The following RUNX1 variants were observed in gnomAD, a reference collection of about 807,000 sequenced individuals.
RUNX1 encodes the protein runt-related transcription factor 1.
A neutral mutation model predicts 42.8 loss-of-function variants in RUNX1; 19 were observed. The ratio of observed to expected loss-of-function variants is 0.44; its 90% CI spans 0.31 to 0.65. RUNX1 has a LOEUF of 0.65. Ranked by LOEUF, RUNX1 falls within the 30% of genes least tolerant of loss-of-function variation. The pLI is 0.07. For synonymous variants in RUNX1, 271 were observed against 289.4 expected (o/e 0.94, Z 0.64); for missense variants, 528 against 672.0 (o/e 0.79, Z 2.37).
At chr21:34,862,673 T>C (rs2057594338) in intron 5 of RUNX1, among the ~76,000 whole-genome samples, 1 of 151,834 alleles carries the variant, frequency 6.6e-6, no homozygotes, top group Non-Finnish European at 1.5e-5. Flanking sequence ...CCCCTCCCTC[T>C]TCTTAGAAGG....
rs80240857 is a variant in RUNX1 at position 34,840,771 on chromosome 21, G to C, written c.614-6170C>G. On this transcript the variant is annotated intron_variant, in intron 6 of 8. Transcript: ENST00000675419. ...AGCAGCTTTGCACGAGGTGTCCTAA[G>C]AATTCACTCTCCCTCTGCCTCCAGC... Among the ~76,000 whole-genome samples the C allele has an allele frequency of 2.7e-3, 406 of 152,236 alleles. 3 individuals carry two copies. The highest frequency in any genetic ancestry group is 0.017 in the Middle Eastern group (5 of 294).
chr21:34,846,194 CTTTTTT>C lies in RUNX1; in HGVS notation c.614-11599_614-11594del, dbSNP rs5843687. On this transcript the variant is annotated intron_variant, in intron 6 of 8. Transcript: ENST00000675419. ...GAGTACTTTGTGGGTTTAAGGATGT[CTTTTTT>C]TTTTTTTTTTTTTTTCAAATGTTGC... is the stretch of plus-strand genomic sequence containing the variant. 2.7e-3 allele frequency among the ~76,000 whole-genome samples: 274 copies of C among 102,264 alleles called. 2 individuals are homozygous for C. Among genetic ancestry groups the C allele is most frequent in the African/African-American group, 9.0e-3 (256 of 28,444 alleles). 67.1% of individuals were successfully genotyped at this position (102,264 alleles called of 152,430 possible).
intron 2 of RUNX1, among the ~76,000 whole-genome samples, chr21:34,971,764 A>G (rs969387200): frequency 2.0e-5 from 3 of 152,224 alleles, no homozygotes; most frequent in Non-Finnish European, 4.4e-5. Context: ...GAGGGGACAG[A>G]AAGGCTTCTT....
chr21:34,898,063 A>G (rs2146474793), intron 2 of RUNX1, among the ~76,000 whole-genome samples: 1 of 152,216 alleles, frequency 6.6e-6, no homozygotes. Flanking sequence ...AGAACTAGAG[A>G]GCAGTCTCTA....
intron 4 of RUNX1, among the ~76,000 whole-genome samples, chr21:34,884,197 A>G (rs2057947056): frequency 6.6e-6 from 1 of 152,202 alleles, no homozygotes; most frequent in Non-Finnish European, 1.5e-5. Context: ...TGTAAAAAAT[A>G]AAGGTGTTCC....
intron 7 of RUNX1, chr21:34,832,962 T>C (rs1489502521): frequency 6.6e-6 from 1 of 152,196 alleles, no homozygotes; most frequent in Admixed American, 6.5e-5. Context: ...GCATAGTATC[T>C]TCTGGAAAGA....
chr21:34,831,220 A>T (rs1453443868), intron 7 of RUNX1, among the ~76,000 whole-genome samples: 1 of 152,192 alleles, frequency 6.6e-6, no homozygotes, highest in Non-Finnish European at 1.5e-5. Flanking sequence ...ATGGCTTTCT[A>T]TTCTATTTCA....
intron 5 of RUNX1, among the ~76,000 whole-genome samples, chr21:34,870,249 A>C (rs908749627): frequency 6.6e-6 from 1 of 152,216 alleles, no homozygotes; most frequent in Non-Finnish European, 1.5e-5. Flanking sequence ...TGTCTGCCCC[A>C]TGGTGTTGGT....
chr21:34,872,003 C>T (rs1158317359), intron 5 of RUNX1, among the ~76,000 whole-genome samples: 1 of 152,108 alleles, frequency 6.6e-6, no homozygotes, highest in African/African-American at 2.4e-5. Context: ...GCCACCACTC[C>T]TGGCTAATTT....
chr21:35,040,159 C>T (rs1423559183), intron 2 of RUNX1, among the ~76,000 whole-genome samples: 3 of 152,230 alleles, frequency 2.0e-5, no homozygotes, highest in Middle Eastern at 3.4e-3. Context: ...TGACTGTTAC[C>T]GAGCTGGATG....
chr21:34,818,625 A>C (rs1355697624), intron 7 of RUNX1, among the ~76,000 whole-genome samples: 4 of 152,216 alleles, frequency 2.6e-5, no homozygotes, highest in African/African-American at 9.6e-5. Flanking sequence ...GTGAGCCGAA[A>C]ACATGCACCA....
At chr21:34,931,711 C>G in intron 2 of RUNX1, among the ~76,000 whole-genome samples, 1 of 150,954 alleles carries the variant, frequency 6.6e-6, no homozygotes, top group Admixed American at 6.6e-5. Context: ...CTGAGCACAG[C>G]AAGAATGAGT....
intron 2 of RUNX1, among the ~76,000 whole-genome samples, chr21:35,001,441 A>C (rs2146876744): frequency 6.6e-6 from 1 of 152,048 alleles, no homozygotes; most frequent in Middle Eastern, 3.4e-3. Flanking sequence ...CATTTTTCCC[A>C]AAACTTTTTA....
intron 3 of RUNX1, chr21:34,887,521 G>A (rs1202394014): frequency 1.7e-6 from 2 of 1,159,194 alleles, no homozygotes; most frequent in Non-Finnish European, 2.1e-6. Context: ...CACATTATTT[G>A]GAAGTTCCAG....
chr21:34,798,653 T>C (rs527272087), intron 8 of RUNX1, among the ~76,000 whole-genome samples: 2 of 152,346 alleles, frequency 1.3e-5, no homozygotes, highest in Non-Finnish European at 2.9e-5. Flanking sequence ...TACAGACTTT[T>C]CTTCTTGTCA....
At chr21:34,821,250 C>A (rs1040803729) in intron 7 of RUNX1, 9 of 1,055,246 alleles carry the variant, frequency 8.5e-6, no homozygotes, top group Middle Eastern at 4.3e-4. Flanking sequence ...ACAACAATGC[C>A]GCCAATAAGA....
At chr21:34,985,436 T>C (rs2058878385) in intron 2 of RUNX1, among the ~76,000 whole-genome samples, 1 of 151,844 alleles carries the variant, frequency 6.6e-6, no homozygotes, top group Non-Finnish European at 1.5e-5. Context: ...TCTGTAGGAG[T>C]GGAATAGGCA....
chr21:34,805,490 A>C (rs1015543412), intron 7 of RUNX1, among the ~76,000 whole-genome samples: 5 of 152,360 alleles, frequency 3.3e-5, no homozygotes, highest in Non-Finnish European at 7.3e-5. Context: ...AAAAGCCAAC[A>C]CCTTATCCAT....
intron 2 of RUNX1, among the ~76,000 whole-genome samples, chr21:34,940,922 A>C (rs2058522061): frequency 1.3e-5 from 2 of 152,236 alleles, no homozygotes; most frequent in African/African-American, 4.8e-5. Flanking sequence ...TTGCCTTCTC[A>C]ATGGCAGCAA....
Sources: gnomAD v4.1 joint callset for allele counts (sites outside exome capture counted in the v4.1 genomes callset) on GRCh38, gnomAD v4.1.1 for gene constraint, MANE v1.5 for transcripts, NCBI Gene and HGNC (gene_info 2026-07-23, HGNC 2026-07-21) for gene names.